ARAP2: variants seen among roughly 807,000 people sequenced by gnomAD.
The protein encoded by ARAP2 is ArfGAP with RhoGAP domain, ankyrin repeat and PH domain 2.
In ARAP2, 148 loss-of-function variants were observed where a neutral mutation model predicts 194.5. The observed-to-expected ratio is 0.76, with a 90% CI of 0.67 to 0.87. ARAP2 has a LOEUF of 0.87. ARAP2 is among the 40% of genes least tolerant of loss of function. The pLI is 0.00. For missense variants in ARAP2, 2,128 were observed against 1,989.7 expected (o/e 1.07, Z -1.32); for synonymous variants, 695 against 683.5 (o/e 1.02, Z -0.26).
chr4:36,064,927 G>C (rs1725151310), downstream of ARAP2: 1 of 155,256 alleles, frequency 6.4e-6, no homozygotes, highest in South Asian at 2.0e-4. Context: ...GGGAGGACAA[G>C]AAGCAGGTAA....
intron 26 of ARAP2, among the ~76,000 whole-genome samples, chr4:36,110,206 T>G (rs768736676): frequency 1.2e-4 from 18 of 151,894 alleles, no homozygotes; most frequent in Non-Finnish European, 2.5e-4. Context: ...AGCCTTCCCA[T>G]GATGGTTTTC....
intron 26 of ARAP2, among the ~76,000 whole-genome samples, chr4:36,111,147 T>C (rs1296743438): frequency 3.3e-5 from 5 of 151,958 alleles, no homozygotes; most frequent in Admixed American, 6.6e-5. Context: ...TAAATTTATA[T>C]ATTCATTCAT....
chr4:36,082,382 G>T, intron 29 of ARAP2, 96 bp from the exon 30 acceptor site: 1 of 1,248,630 alleles, frequency 8.0e-7, no homozygotes, highest in Non-Finnish European at 1.1e-6. Context: ...GAGATTTAAT[G>T]GTGGGAATGC....
chr4:36,017,899 A>G (rs1440914643), intron 6 of ARAP2, among the ~76,000 whole-genome samples: 1 of 152,182 alleles, frequency 6.6e-6, no homozygotes, highest in Non-Finnish European at 1.5e-5. Flanking sequence ...ACTGGAAATA[A>G]TAAGATATTT....
intron 14 of ARAP2, 52 bp downstream of exon 14, chr4:36,159,279 C>T: frequency 7.2e-7 from 1 of 1,394,316 alleles, no homozygotes; most frequent in South Asian, 1.9e-5. Flanking sequence ...TGCTTCAGTC[C>T]TTTTACGGAT....
intron 21 of ARAP2, among the ~76,000 whole-genome samples, chr4:36,125,515 T>G (rs1053669351): frequency 6.6e-6 from 1 of 151,974 alleles, no homozygotes; most frequent in Non-Finnish European, 1.5e-5. Context: ...TCAAATCTTT[T>G]GAAAAGTTGA....
intron 4 of ARAP2, among the ~76,000 whole-genome samples, chr4:36,212,921 G>C (rs1258422657): frequency 6.6e-6 from 1 of 151,960 alleles, no homozygotes; most frequent in Non-Finnish European, 1.5e-5. Context: ...GTCTGCACTT[G>C]GCTACAAGGC....
chr4:36,092,123 G>A, intron 27 of ARAP2, 103 bp from the exon 28 acceptor site: 2 of 1,287,818 alleles, frequency 1.6e-6, no homozygotes, highest in South Asian at 1.9e-5. Flanking sequence ...ATAAGAACTT[G>A]TTTACTACCG....
chr4:36,091,322 A>C (rs1713579816), intron 28 of ARAP2, among the ~76,000 whole-genome samples: 1 of 152,132 alleles, frequency 6.6e-6, no homozygotes, highest in Non-Finnish European at 1.5e-5. Context: ...TACATCATTT[A>C]TCTACTCCCT....
intron 5 of ARAP2, among the ~76,000 whole-genome samples, chr4:36,024,662 A>G (rs2109347524): frequency 6.6e-6 from 1 of 152,272 alleles, no homozygotes; most frequent in South Asian, 2.1e-4. Flanking sequence ...AAAGTAAAAT[A>G]TTTTTTAAAA....
chr4:36,128,797 G>T, intron 20 of ARAP2, 52 bp from the exon 21 acceptor site: 1 of 1,392,410 alleles, frequency 7.2e-7, no homozygotes, highest in Non-Finnish European at 9.9e-7. Flanking sequence ...TCAAAAGCCA[G>T]TTTGATATTT....
intron 5 of ARAP2, among the ~76,000 whole-genome samples, chr4:36,021,215 GTTTT>G (rs1716881673): frequency 6.6e-6 from 1 of 152,118 alleles, no homozygotes; most frequent in Admixed American, 6.5e-5. Context: ...AGTCAACAGT[GTTTT>G]TTGTTTTTCA....
chr4:36,015,286 C>A (rs73121783), intron 8 of ARAP2: 4 of 152,142 alleles, frequency 2.6e-5, no homozygotes, highest in African/African-American at 9.7e-5. Context: ...AACAGTATAG[C>A]AAAGTTAAAT....
intron 1 of ARAP2, among the ~76,000 whole-genome samples, chr4:36,059,751 T>C (rs1724104881): frequency 6.6e-6 from 1 of 152,116 alleles, no homozygotes; most frequent in East Asian, 1.9e-4. Context: ...TAGAGACCAA[T>C]ACTAGTAGAA....
In ARAP2 at chr4:36,057,052, TG is replaced by T. The variant is rs1478231315; in HGVS notation, n.321+917del. Among the ~76,000 whole-genome samples, 286 of 73,548 alleles carry T rather than the reference TG, an allele frequency of 3.9e-3. 1 individual carries two copies. The highest frequency in any genetic ancestry group is 9.2e-3 in the African/African-American group (271 of 29,476). The allele number at this position is 73,548 out of a possible 152,430, so 48.3% of individuals were successfully genotyped here. A position where few individuals can be genotyped will look rare whatever the true frequency, so the allele number is the denominator to read the frequency against. ...TAAAACATTATCTGTAGTTTTTTGT[TG>T]TTTTTTTTTTTCAGTGCAGCTTGAC... On this transcript the variant is annotated intron_variant and non_coding_transcript_variant, in intron 2 of 12. Transcript: ENST00000503225.
chr4:36,190,479 A>G (rs1055904678), intron 7 of ARAP2, among the ~76,000 whole-genome samples: 3 of 152,146 alleles, frequency 2.0e-5, no homozygotes, highest in African/African-American at 7.2e-5. Context: ...AATTATAACA[A>G]TCTCTGATGG....
chr4:36,197,358 T>A (rs1743345954), intron 6 of ARAP2, among the ~76,000 whole-genome samples: 1 of 152,222 alleles, frequency 6.6e-6, no homozygotes, highest in African/African-American at 2.4e-5. Context: ...TGAAAGATAT[T>A]TACTTGAATT....
chr4:36,133,389 T>G lies in ARAP2; in HGVS notation c.3264A>C (p.Arg1088Ser). The change falls in exon 20 of 33, where the codon AGA (arginine) becomes AGC (serine). Residue 1088 changes from arginine to serine, a missense_variant and splice_region_variant. Transcript: ENST00000303965. ...LDVLLLVEKG[R>S]TLYIHGHTKL... Reference sequence around the variant, plus strand: ...TGGTATGCCCATGGATGTATAATGTTCTGTAAAGTTTAAAAAGCATTTCAA... The same window carrying G: ...TGGTATGCCCATGGATGTATAATGTGCTGTAAAGTTTAAAAAGCATTTCAA... The G allele has an allele frequency of 6.2e-7, 1 of 1,603,216 alleles. No individual in the cohort carries two copies. Among genetic ancestry groups the G allele is most frequent in the Non-Finnish European group, 8.5e-7 (1 of 1,175,378 alleles).
In ARAP2 at chr4:36,229,107, A is replaced by G; in HGVS notation, c.380T>C (p.Leu127Pro). The G allele has an allele frequency of 6.2e-7, 1 of 1,614,088 alleles. No homozygotes were observed. The highest frequency in any genetic ancestry group is 8.5e-7 in the Non-Finnish European group (1 of 1,179,994). The part of the protein sequence containing the change: ...PPQLETVRKN[L>P]EDSDASVERS... ...TTCCACACTTGCATCACTGTCTTCA[A>G]GATTTTTTCTAACAGTCTCCAACTG... is the stretch of plus-strand genomic sequence containing the variant. The change falls in exon 2 of 33, where the codon CTT becomes CCT. Residue 127 changes from leucine (L) to proline (P), a missense_variant. Transcript: ENST00000303965.
Sources: gnomAD v4.1 joint callset for allele counts (sites outside exome capture counted in the v4.1 genomes callset) on GRCh38, gnomAD v4.1.1 for gene constraint, MANE v1.5 for transcripts, NCBI Gene and HGNC (gene_info 2026-07-23, HGNC 2026-07-21) for gene names.